GRM5: variants seen among roughly 807,000 people sequenced by gnomAD.
GRM5 encodes the protein glutamate metabotropic receptor 5.
A neutral mutation model predicts 83.1 loss-of-function variants in GRM5; 19 were observed. The ratio of observed to expected loss-of-function variants is 0.23; its 90% CI spans 0.16 to 0.34. The LOEUF is 0.34. Among genes scored for constraint, GRM5 ranks in the 10% least tolerant of loss-of-function variants. GRM5 has a pLI of 1.00. For synonymous variants in GRM5, 675 were observed against 633.6 expected (o/e 1.07, Z -0.98); for missense variants, 1,160 against 1,588.3 (o/e 0.73, Z 4.58).
At chr11:88,805,596 A>C (rs1261717531) in intron 3 of GRM5, among the ~76,000 whole-genome samples, 1 of 152,234 alleles carries the variant, frequency 6.6e-6, no homozygotes. Context: ...ATACAAAGCA[A>C]AAAGAAATTT....
At chr11:88,686,183 TG>T (rs1427653368) in intron 3 of GRM5, among the ~76,000 whole-genome samples, 1 of 152,164 alleles carries the variant, frequency 6.6e-6, no homozygotes, top group East Asian at 1.9e-4. Flanking sequence ...CTTGCATCAG[TG>T]TGACCTGGAT....
chr11:88,990,625 C>G (rs1835451638), intron 2 of GRM5, among the ~76,000 whole-genome samples: 1 of 149,176 alleles, frequency 6.7e-6, no homozygotes, highest in Non-Finnish European at 1.5e-5. Flanking sequence ...AAAATACTGG[C>G]AAAACGAATC....
chr11:88,947,859 AAATAATTTCCAC>A (rs1382758481), intron 2 of GRM5, among the ~76,000 whole-genome samples: 1 of 152,170 alleles, frequency 6.6e-6, no homozygotes, highest in Non-Finnish European at 1.5e-5. Context: ...TTAATAATAT[AAATAATTTCCAC>A]AGTGTAAAGA....
intron 2 of GRM5, among the ~76,000 whole-genome samples, chr11:88,859,443 T>C (rs1329403445): frequency 6.6e-6 from 1 of 152,120 alleles, no homozygotes; most frequent in Non-Finnish European, 1.5e-5. Context: ...GTAAAATTAT[T>C]TGGTAAAAGG....
At chr11:88,965,814 T>A (rs1938941171) in intron 2 of GRM5, among the ~76,000 whole-genome samples, 1 of 152,134 alleles carries the variant, frequency 6.6e-6, no homozygotes, top group Non-Finnish European at 1.5e-5. Flanking sequence ...TTTGGAGGCA[T>A]CAACACTCCT....
Position 88,795,854 on chromosome 11 carries a change from T to C in GRM5, c.911+54052A>G, listed in dbSNP as rs147516012. On this transcript the variant is annotated intron_variant, in intron 3 of 9. Coordinates refer to ENST00000305447, the MANE Select transcript of GRM5 (RefSeq NM_001143831.3). ...GAAAACAACGAGTTTAATAGTTGCA[T>C]ATGTCCCTATTGTGTAGGAGAGCCC... Among the ~76,000 whole-genome samples, 955 of 152,304 alleles carry C rather than the reference T, an allele frequency of 6.3e-3. 19 individuals carry two copies. Among genetic ancestry groups the C allele is most frequent in the East Asian group, 0.047 (245 of 5,188 alleles).
chr11:89,047,938 C>T lies in GRM5; in HGVS notation c.-66G>A. 8.1e-7 allele frequency: 1 copy of T among 1,236,476 alleles called. No homozygotes were observed. The highest frequency in any genetic ancestry group is 1.2e-6 in the Non-Finnish European group (1 of 855,604). 76.6% of individuals were successfully genotyped at this position (1,236,476 alleles called of 1,614,324 possible). A position where few individuals can be genotyped will look rare whatever the true frequency, so the allele number is the denominator to read the frequency against. ...GGAAAATTCAGGAGGGTTCTGATAG[C>T]TACGAACAAGCGATGTCCTACGTTG... On this transcript the variant is annotated 5_prime_UTR_variant, in exon 2 of 10. Coordinates refer to ENST00000305447, the MANE Select transcript of GRM5 (RefSeq NM_001143831.3). This position sits in a 1 kb window ranked among gnomAD's most constrained non-coding sequence, Gnocchi z 5.1.
chr11:88,932,418 G>A (rs1301423421), intron 2 of GRM5, among the ~76,000 whole-genome samples: 2 of 151,950 alleles, frequency 1.3e-5, no homozygotes, highest in East Asian at 3.9e-4. Flanking sequence ...AAAACTTACA[G>A]TGTATATGCA....
intron 3 of GRM5, among the ~76,000 whole-genome samples, chr11:88,733,915 T>A (rs1352516145): frequency 6.6e-6 from 1 of 151,870 alleles, no homozygotes; most frequent in Non-Finnish European, 1.5e-5. Flanking sequence ...ACCCTTACCT[T>A]AGAGGTTTCT....
At chr11:88,579,266 A>T (rs1943178249) in intron 7 of GRM5, among the ~76,000 whole-genome samples, 1 of 152,050 alleles carries the variant, frequency 6.6e-6, no homozygotes, top group South Asian at 2.1e-4. Context: ...TCCTGTATTC[A>T]CTTCTTTAGT....
chr11:88,598,747 C>A (rs1937891827), intron 5 of GRM5, among the ~76,000 whole-genome samples: 1 of 152,062 alleles, frequency 6.6e-6, no homozygotes, highest in South Asian at 2.1e-4. Flanking sequence ...GAGCAAATAA[C>A]CTTTGAAGAT....
intron 1 of GRM5, among the ~76,000 whole-genome samples, chr11:89,050,682 C>T (rs1941738052): frequency 6.6e-6 from 1 of 152,204 alleles, no homozygotes; most frequent in Admixed American, 6.5e-5. Context: ...ACATTACTCA[C>T]AATAGCAAAA....
intron 8 of GRM5, among the ~76,000 whole-genome samples, chr11:88,557,313 T>C (rs962919468): frequency 6.6e-6 from 1 of 152,158 alleles, no homozygotes; most frequent in African/African-American, 2.4e-5. Flanking sequence ...GTTTACTGCA[T>C]AAAGGATGAA....
intron 2 of GRM5, among the ~76,000 whole-genome samples, chr11:88,959,220 A>G (rs2134981557): frequency 6.6e-6 from 1 of 152,250 alleles, no homozygotes; most frequent in African/African-American, 2.4e-5. Context: ...AACAATTTAA[A>G]TTTTAGTAAC....
In GRM5 at chr11:88,634,911, G is replaced by A. The variant is rs77751946; in HGVS notation, c.1147+18257C>T. ...CACTAGGCAACAATAATTTTTCAGC[G>A]CCATTATAATGTGATGAGACCATTG... On this transcript the variant is annotated intron_variant, in intron 4 of 9. Coordinates refer to ENST00000305447, the MANE Select transcript of GRM5 (RefSeq NM_001143831.3). Among the ~76,000 whole-genome samples, 616 of 152,210 alleles carry A rather than the reference G, an allele frequency of 4.0e-3. 12 individuals carry two copies. The East Asian group carries it at 0.066, about 16-fold the overall frequency.
chr11:88,984,939 AT>A, intron 2 of GRM5: 1 of 588,410 alleles, frequency 1.7e-6, no homozygotes, highest in Non-Finnish European at 3.1e-6. Context: ...CATTTTAATA[AT>A]TTGACTCACT....
intron 2 of GRM5, among the ~76,000 whole-genome samples, chr11:88,867,437 G>C (rs899813716): frequency 4.6e-5 from 7 of 151,738 alleles, no homozygotes; most frequent in African/African-American, 1.7e-4. Flanking sequence ...TACATAGGCT[G>C]TTCAGTTTTA....
chr11:88,643,424 G>C (rs571516943), intron 4 of GRM5, among the ~76,000 whole-genome samples: 2 of 152,264 alleles, frequency 1.3e-5, no homozygotes, highest in African/African-American at 4.8e-5. Flanking sequence ...TTCAACATGA[G>C]GTTTGAGCAG....
At chr11:88,846,330 G>A (rs1944303203) in intron 3 of GRM5, among the ~76,000 whole-genome samples, 1 of 152,154 alleles carries the variant, frequency 6.6e-6, no homozygotes, top group African/African-American at 2.4e-5. Flanking sequence ...TGCCATTACT[G>A]TTCAGATTAT....
Sources: gnomAD v4.1 joint callset for allele counts (sites outside exome capture counted in the v4.1 genomes callset) on GRCh38, gnomAD v4.1.1 for gene constraint, Gnocchi (gnomAD v3.1) non-coding constraint, MANE v1.5 for transcripts, NCBI Gene and HGNC (gene_info 2026-07-23, HGNC 2026-07-21) for gene names.